The following FSD1L variants were observed in gnomAD, a reference collection of about 807,000 sequenced individuals.
FSD1L encodes fibronectin type III and SPRY domain containing 1 like.
Under a neutral mutation model 71.6 loss-of-function variants are expected in FSD1L, and 45 were observed. The ratio of observed to expected loss-of-function variants is 0.63; its 90% CI spans 0.49 to 0.81. FSD1L has a LOEUF of 0.81. Among genes scored for constraint, FSD1L ranks in the 30% least tolerant of loss-of-function variants. The probability of loss-of-function intolerance (pLI) is 0.00; values close to 1 mark genes in which losing one functional copy is unlikely to be tolerated. For synonymous variants in FSD1L, 197 were observed against 207.2 expected, an observed-to-expected ratio of 0.95 and a Z score of 0.42; for missense variants, 561 against 618.1, an observed-to-expected ratio of 0.91 and a Z score of 0.98.
intron 10 of FSD1L, chr9:105,530,731 G>T: frequency 4.0e-6 from 2 of 505,346 alleles, no homozygotes; most frequent in East Asian, 3.3e-5. Flanking sequence ...AAAGTTTCCT[G>T]ATTGTTTCTG....
At chr9:105,520,378 TG>T (rs1474628273) in intron 10 of FSD1L, 2 of 1,201,686 alleles carry the variant, frequency 1.7e-6, no homozygotes, top group Non-Finnish European at 2.4e-6. Flanking sequence ...CAGAATCTAT[TG>T]ATCTTAAACA....
chr9:105,542,634 C>T (rs1369394479), intron 13 of FSD1L, among the ~76,000 whole-genome samples: 2 of 151,816 alleles, frequency 1.3e-5, no homozygotes, highest in African/African-American at 4.8e-5. Context: ...AAAAATGTTT[C>T]TTGTACAGAT....
At chr9:105,476,726 A>G (rs1194492251) in intron 5 of FSD1L, among the ~76,000 whole-genome samples, 2 of 152,216 alleles carry the variant, frequency 1.3e-5, no homozygotes, top group African/African-American at 4.8e-5. Flanking sequence ...GAAGCTGTAT[A>G]GTATTGTGTA....
chr9:105,490,063 C>A (rs1264900352), intron 7 of FSD1L, among the ~76,000 whole-genome samples: 1 of 152,162 alleles, frequency 6.6e-6, no homozygotes, highest in Non-Finnish European at 1.5e-5. Context: ...AGTTCTAGAT[C>A]CCTGAGGAAT....
At chr9:105,458,368 C>A (rs759001661) in intron 1 of FSD1L, among the ~76,000 whole-genome samples, 4 of 152,164 alleles carry the variant, frequency 2.6e-5, no homozygotes, top group African/African-American at 9.7e-5. Flanking sequence ...GAAAGTGTTA[C>A]AGCCCTTTCT....
At chr9:105,494,331 A>G (rs1833190308) in intron 7 of FSD1L, among the ~76,000 whole-genome samples, 1 of 151,932 alleles carries the variant, frequency 6.6e-6, no homozygotes, top group African/African-American at 2.4e-5. Context: ...GTAGTTCTCG[A>G]GCCTTGGCTT....
chr9:105,460,951 T>C (rs1232352670), intron 1 of FSD1L, among the ~76,000 whole-genome samples: 1 of 152,232 alleles, frequency 6.6e-6, no homozygotes, highest in Non-Finnish European at 1.5e-5. Context: ...TCTTTCACCT[T>C]CTAGAGTTAA....
intron 7 of FSD1L, among the ~76,000 whole-genome samples, chr9:105,497,042 T>C (rs1449291966): frequency 6.6e-6 from 1 of 152,198 alleles, no homozygotes; most frequent in Non-Finnish European, 1.5e-5. Context: ...AGGAAGTTCC[T>C]TTCTGTTCCT....
At chr9:105,522,094 G>A in intron 10 of FSD1L, 1 of 1,613,554 alleles carries the variant, frequency 6.2e-7, no homozygotes, top group East Asian at 2.2e-5. Flanking sequence ...ACCTTGGCAG[G>A]TCGACTTGCA....
At chr9:105,479,248 C>A in intron 5 of FSD1L, 106 bp from the exon 6 acceptor site, 1 of 909,344 alleles carries the variant, frequency 1.1e-6, no homozygotes, top group East Asian at 2.7e-5. Flanking sequence ...ATGAACTAAT[C>A]TGTTGCAGGG....
chr9:105,508,662 G>A lies in FSD1L; in HGVS notation c.842G>A (p.Cys281Tyr). ...SKYMNFRVRA[C>Y]NKAVAGEYSD... ...TATATGAATTTCAGAGTGCGAGCTT[G>A]TAACAAGGCTGTGGCTGGAGAGTAT... Residue 281 changes from cysteine (C) to tyrosine (Y), a missense_variant, in exon 9 of 14, where the codon TGT becomes TAT. Coordinates refer to ENST00000481272, the MANE Select transcript of FSD1L (RefSeq NM_001145313.3). 1 of 1,551,650 alleles carries A rather than the reference G, an allele frequency of 6.4e-7. No homozygotes were observed. The highest frequency in any genetic ancestry group is 8.7e-7 in the Non-Finnish European group (1 of 1,146,688).
At chr9:105,498,515 A>T (rs758444325) in intron 7 of FSD1L, among the ~76,000 whole-genome samples, 6 of 152,110 alleles carry the variant, frequency 3.9e-5, no homozygotes, top group Non-Finnish European at 8.8e-5. Flanking sequence ...GTGTATCTAA[A>T]CATATCTAAA....
chr9:105,545,796 T>A (rs1410068147), intron 13 of FSD1L, among the ~76,000 whole-genome samples: 2 of 152,158 alleles, frequency 1.3e-5, no homozygotes, highest in Non-Finnish European at 2.9e-5. Flanking sequence ...TTCACATTTA[T>A]GATAAGTAAT....
At position 105,448,164 on chromosome 9, in the gene FSD1L, G is replaced by T; in HGVS notation, c.-57G>T. The T allele has an allele frequency of 6.5e-7, 1 of 1,530,298 alleles. No individual in the cohort carries two copies. Among genetic ancestry groups the T allele is most frequent in the Non-Finnish European group, 8.8e-7 (1 of 1,131,622 alleles). The allele number at this position is 1,530,298 out of a possible 1,614,324, so 94.8% of individuals were successfully genotyped here. ...GTCTTGGGGTGTGCGATCTCGCTGA[G>T]CCTCCTCACACGGTTCGTCGTCTCG... On this transcript the variant is annotated 5_prime_UTR_variant, in exon 1 of 14. Coordinates refer to ENST00000481272, the MANE Select transcript of FSD1L (RefSeq NM_001145313.3).
intron 10 of FSD1L, chr9:105,524,098 G>A: frequency 6.2e-7 from 1 of 1,612,024 alleles, no homozygotes; most frequent in Non-Finnish European, 8.5e-7. Context: ...AGCTCGGCAA[G>A]AGATGAGCCC....
intron 10 of FSD1L, chr9:105,522,552 A>G (rs2131425532): frequency 1.9e-6 from 3 of 1,613,692 alleles, no homozygotes; most frequent in East Asian, 2.2e-5. Context: ...TCCCCGCTCA[A>G]CTAGAGTCAG....
chr9:105,461,399 A>G (rs945633195), intron 1 of FSD1L, 121 bp from the exon 2 acceptor site: 27 of 458,694 alleles, frequency 5.9e-5, no homozygotes, highest in African/African-American at 4.8e-4. Context: ...TATTGACTAC[A>G]TGTTGAAATG....
At position 105,525,206 on chromosome 9, in the gene FSD1L, A is replaced by G; in HGVS notation, c.1026-9287A>G. On this transcript the variant is annotated intron_variant, in intron 10 of 13. Transcript: ENST00000481272. Reference sequence around the variant, plus strand: ...ATCTAATGAATGCTTAGAAGATATAACCGTAAAAGATGGACTTTCCAGTTT... The same window carrying G: ...ATCTAATGAATGCTTAGAAGATATAGCCGTAAAAGATGGACTTTCCAGTTT... 21 of 1,603,644 alleles carry G rather than the reference A, an allele frequency of 1.3e-5. 1 individual carries two copies. In the South Asian group the frequency reaches 2.4e-4, roughly 18 times the overall value.
At chr9:105,480,161 T>C (rs1388795892) in intron 6 of FSD1L, among the ~76,000 whole-genome samples, 3 of 152,230 alleles carry the variant, frequency 2.0e-5, no homozygotes, top group Non-Finnish European at 4.4e-5. Flanking sequence ...GGCACAGCTC[T>C]TCAAAGTGCC....
Sources: allele counts gnomAD v4.1 joint callset (sites outside exome capture counted in the v4.1 genomes callset), GRCh38; gene constraint gnomAD v4.1.1; transcripts MANE v1.5; gene names NCBI Gene and HGNC (gene_info 2026-07-23, HGNC 2026-07-21).